SSPN: variants seen among roughly 807,000 people sequenced by gnomAD.
SSPN encodes K-ras oncogene-associated protein.
Under a neutral mutation model 19.1 loss-of-function variants are expected in SSPN, and 15 were observed. The ratio of observed to expected loss-of-function variants is 0.78; its 90% CI spans 0.52 to 1.21. SSPN has a LOEUF of 1.21. Ranked by LOEUF, SSPN falls within the 50% of genes most tolerant of loss-of-function variation. SSPN has a pLI of 0.00. For missense variants in SSPN, 291 were observed against 314.0 expected (o/e 0.93, Z 0.55); for synonymous variants, 147 against 140.3 (o/e 1.05, Z -0.34).
chr12:26,174,448 T>C (rs983580942), intron 1 of SSPN, among the ~76,000 whole-genome samples: 1 of 138,824 alleles, frequency 7.2e-6, no homozygotes. Flanking sequence ...TAGTAATCCC[T>C]ACCTCCTTCC....
intron 1 of SSPN, among the ~76,000 whole-genome samples, chr12:26,163,228 C>T (rs749248392): frequency 6.6e-6 from 1 of 152,050 alleles, no homozygotes; most frequent in Non-Finnish European, 1.5e-5. Flanking sequence ...TTAAATGTGG[C>T]GTGGGGAGTA....
intron 1 of SSPN, among the ~76,000 whole-genome samples, chr12:26,166,318 G>T (rs116742177): frequency 6.6e-6 from 1 of 152,200 alleles, no homozygotes; most frequent in Non-Finnish European, 1.5e-5. Context: ...AACAGCAAGG[G>T]TAGTTCTTTT....
At chr12:26,137,813 C>T (rs1944437339) in intron 1 of SSPN, among the ~76,000 whole-genome samples, 1 of 150,658 alleles carries the variant, frequency 6.6e-6, no homozygotes, top group South Asian at 2.1e-4. Context: ...TACAGGGGCC[C>T]CACCACCACG....
At chr12:26,151,649 G>A (rs1295614844) in intron 1 of SSPN, among the ~76,000 whole-genome samples, 1 of 152,170 alleles carries the variant, frequency 6.6e-6, no homozygotes, top group African/African-American at 2.4e-5. Flanking sequence ...AGCTCATGCA[G>A]AGGATCTAAT....
rs58769131 is a variant in SSPN, at chr12:26,156,257, G to A, written c.-31+34105G>A. ...GTTCAGAGAAGTCACCGTTAATCAC[G>A]TAGCTCACAAATACCAGAGCCAGGA... On this transcript the variant is annotated intron_variant, in intron 1 of 2. Coordinates refer to the SSPN transcript ENST00000538142. Among the ~76,000 whole-genome samples the A allele has an allele frequency of 5.4e-4, 82 of 152,258 alleles. No individual in the cohort carries two copies. In the East Asian group the frequency reaches 0.013, roughly 25 times the overall value.
chr12:26,225,485 G>A (rs1347234774), intron 2 of SSPN, among the ~76,000 whole-genome samples: 5 of 152,122 alleles, frequency 3.3e-5, no homozygotes, highest in Non-Finnish European at 7.4e-5. Flanking sequence ...TTATCTATGA[G>A]TGGTGGGATT....
At chr12:26,177,131 G>T (rs1944689381) in intron 1 of SSPN, among the ~76,000 whole-genome samples, 1 of 152,160 alleles carries the variant, frequency 6.6e-6, no homozygotes, top group Non-Finnish European at 1.5e-5. Flanking sequence ...TGATTGAATG[G>T]ATATAGGGTT....
intron 1 of SSPN, chr12:26,122,374 C>T (rs1335859489): frequency 3.3e-6 from 4 of 1,202,222 alleles, no homozygotes; most frequent in African/African-American, 1.6e-5. Flanking sequence ...GGGGCGGCAG[C>T]CGCCGCCGGG....
At chr12:26,136,088 T>C (rs1944423512) in intron 1 of SSPN, among the ~76,000 whole-genome samples, 1 of 152,240 alleles carries the variant, frequency 6.6e-6, no homozygotes, top group African/African-American at 2.4e-5. Flanking sequence ...ACAGACATTT[T>C]CCCCTTGTCA....
At chr12:26,229,556 T>G (rs10842694) in intron 2 of SSPN, among the ~76,000 whole-genome samples, 30,077 of 152,160 alleles carry the variant, frequency 0.2, 3,930 homozygotes, top group Admixed American at 0.35. Flanking sequence ...TTGAATTATA[T>G]ATAAGGGAAG....
chr12:26,154,334 A>C (rs1397164338), intron 1 of SSPN, among the ~76,000 whole-genome samples: 1 of 152,238 alleles, frequency 6.6e-6, no homozygotes, highest in East Asian at 1.9e-4. Context: ...TGCACAGAGT[A>C]CCTAGCTCAG....
chr12:26,161,507 T>A (rs1176622844), intron 1 of SSPN, among the ~76,000 whole-genome samples: 5 of 152,216 alleles, frequency 3.3e-5, no homozygotes, highest in Non-Finnish European at 7.3e-5. Context: ...TCCCCATTAA[T>A]TGGCTCTACT....
intron 1 of SSPN, among the ~76,000 whole-genome samples, chr12:26,149,203 G>A (rs115760483): frequency 2.5e-4 from 38 of 152,206 alleles, no homozygotes; most frequent in African/African-American, 7.0e-4. Context: ...GTGTTGCTGC[G>A]TTTGTAAACA....
At chr12:26,144,370 C>T (rs1457774464) in intron 1 of SSPN, among the ~76,000 whole-genome samples, 1 of 152,146 alleles carries the variant, frequency 6.6e-6, no homozygotes, top group Non-Finnish European at 1.5e-5. Context: ...GAGTAAAAGA[C>T]CCAGAGGAGA....
chr12:26,230,740 C>T lies in SSPN; in HGVS notation c.396C>T (p.Gly132=), dbSNP rs751368416. The T allele has an allele frequency of 1.2e-6, 2 of 1,613,954 alleles. No homozygotes were observed. The highest frequency in any genetic ancestry group is 2.2e-5 in the South Asian group (2 of 91,054). Residue 132 remains glycine (G), a synonymous_variant, in exon 3 of 3, where the codon GGC becomes GGT. Coordinates refer to ENST00000242729, the MANE Select transcript of SSPN (RefSeq NM_005086.5). ...TATACTTTCTGCTGAGTGCCCTGGG[C>T]CTGACGGTCTGTGTGCTGGCCGTGG... ...KLLYFLLSAL[G]LTVCVLAVAF...
At chr12:26,155,668 A>T (rs1453079906) in intron 1 of SSPN, among the ~76,000 whole-genome samples, 1 of 152,254 alleles carries the variant, frequency 6.6e-6, no homozygotes. Context: ...ATGAAGGCAA[A>T]TCATTCATGA....
chr12:26,225,877 C>T (rs1272135679), intron 2 of SSPN, among the ~76,000 whole-genome samples: 1 of 151,886 alleles, frequency 6.6e-6, no homozygotes, highest in African/African-American at 2.4e-5. Context: ...CCCTCATTTT[C>T]CCCCCAGATG....
intron 1 of SSPN, chr12:26,122,280 A>G (rs1287388187): frequency 1.4e-5 from 17 of 1,204,902 alleles, no homozygotes; most frequent in Non-Finnish European, 1.3e-5. Context: ...CAGGCAGGGG[A>G]ACGCGGCGGC....
intron 1 of SSPN, among the ~76,000 whole-genome samples, chr12:26,133,383 T>C (rs76048485): frequency 0.016 from 2,391 of 152,200 alleles, 38 homozygotes; most frequent in African/African-American, 0.042. Flanking sequence ...CCCCCTTTCA[T>C]CCTAACTGCC....
Sources: allele counts gnomAD v4.1 joint callset (sites outside exome capture counted in the v4.1 genomes callset), GRCh38; gene constraint gnomAD v4.1.1; transcripts MANE v1.5; gene names NCBI Gene and HGNC (gene_info 2026-07-23, HGNC 2026-07-21).